The following PCDHA1 variants were observed in gnomAD, a reference collection of about 807,000 sequenced individuals.
PCDHA1 encodes protocadherin alpha-1.
In PCDHA1, 42 loss-of-function variants were observed where a neutral mutation model predicts 61.3. The ratio of observed to expected loss-of-function variants is 0.69; its 90% CI spans 0.54 to 0.89. The LOEUF (loss-of-function observed/expected upper bound fraction) is 0.89. Ranked by LOEUF, PCDHA1 falls within the 40% of genes least tolerant of loss-of-function variation. The probability of loss-of-function intolerance (pLI) is 0.00; values close to 1 mark genes in which losing one functional copy is unlikely to be tolerated. For synonymous variants in PCDHA1, 610 were observed against 553.8 expected (o/e 1.10, Z -1.43); for missense variants, 1,256 against 1,235.3 (o/e 1.02, Z -0.25).
At chr5:140,848,664 G>A (rs1470524559) in intron 1 of PCDHA1, 6 of 1,592,252 alleles carry the variant, frequency 3.8e-6, no homozygotes, top group Non-Finnish European at 4.3e-6. Context: ...GCTGGAGCTG[G>A]CGGAGCTGGT....
intron 1 of PCDHA1, chr5:140,805,197 G>T: frequency 6.9e-7 from 1 of 1,449,074 alleles, no homozygotes; most frequent in Non-Finnish European, 9.1e-7. Context: ...ATATTGAATA[G>T]CTACCAAATA....
chr5:140,834,233 T>G, intron 1 of PCDHA1: 1 of 758,570 alleles, frequency 1.3e-6, no homozygotes, highest in Non-Finnish European at 2.1e-6. Flanking sequence ...AGGAAGTCAT[T>G]CCTTTTCGCA....
chr5:140,842,399 C>A, intron 1 of PCDHA1: 1 of 1,611,446 alleles, frequency 6.2e-7, no homozygotes, highest in Non-Finnish European at 8.5e-7. Flanking sequence ...CTTGCCTGTA[C>A]GTGAAGACGC....
Position 140,809,449 on chromosome 5 carries a change from G to A in PCDHA1, c.2394+20765G>A, listed in dbSNP as rs1254569390. The A allele has an allele frequency of 2.5e-6, 4 of 1,614,142 alleles. No homozygotes were observed. The African/African-American group carries it at 5.3e-5, about 22-fold the overall frequency. ...GGAGCTGGTCATACTCGCAGCAGAGGAGGCCGAGGGTGTGCTCTGGTGAGG... is the reference window on the plus strand; with the variant it reads ...GGAGCTGGTCATACTCGCAGCAGAGAAGGCCGAGGGTGTGCTCTGGTGAGG... On this transcript the variant is annotated intron_variant, in intron 1 of 3. Coordinates refer to ENST00000504120, the MANE Select transcript of PCDHA1 (RefSeq NM_018900.4).
intron 1 of PCDHA1, chr5:140,822,094 G>A: frequency 1.2e-6 from 2 of 1,614,270 alleles, no homozygotes; most frequent in Non-Finnish European, 1.7e-6. Context: ...CCACCTGGAG[G>A]TGATCGTGGA....
rs200360846 is a variant in PCDHA1, at chr5:140,842,668, C to T, written c.2394+53984C>T. On this transcript the variant is annotated intron_variant, in intron 1 of 3. Transcript: ENST00000504120. ...TGTCTGTGGAGGTGGCCGACGTGAA[C>T]GACAATGCTCCGGCGTTCGCGCAGC... 2.5e-4 allele frequency: 393 copies of T among 1,595,370 alleles called. 33 individuals carry two copies. Among genetic ancestry groups the T allele is most frequent in the South Asian group, 1.5e-4 (14 of 90,464 alleles).
At chr5:140,813,382 T>A (rs1218287090) in intron 1 of PCDHA1, 1 of 152,178 alleles carries the variant, frequency 6.6e-6, no homozygotes, top group African/African-American at 2.4e-5. Flanking sequence ...GGTTACATGA[T>A]CTATTGCTTC....
chr5:140,978,834 C>A (rs1294349430), intron 1 of PCDHA1, 115 bp from the exon 2 acceptor site: 3 of 1,546,580 alleles, frequency 1.9e-6, no homozygotes, highest in Non-Finnish European at 2.6e-6. Context: ...ATGGCTCATT[C>A]AATACTTTTT....
chr5:140,879,894 T>C (rs2153369518), intron 1 of PCDHA1, among the ~76,000 whole-genome samples: 1 of 152,348 alleles, frequency 6.6e-6, no homozygotes. Context: ...CTCCTCTCCA[T>C]GTCTCTCTCT....
At chr5:140,836,966 T>G in intron 1 of PCDHA1, 1 of 388,302 alleles carries the variant, frequency 2.6e-6, no homozygotes, top group Non-Finnish European at 4.5e-6. Context: ...TGTTGGCTAC[T>G]CTCCATTTTT....
Position 140,978,838 on chromosome 5 carries a change from A to G in PCDHA1, c.2395-111A>G, listed in dbSNP as rs571929271. 3.9e-6 allele frequency: 6 copies of G among 1,554,610 alleles called. No homozygotes were observed. In the African/African-American group the frequency reaches 5.5e-5, roughly 14 times the overall value. On this transcript the variant is annotated intron_variant, in intron 1 of 3. Transcript: ENST00000504120. ...TTACACATGAAATGGCTCATTCAAT[A>G]CTTTTTTAGATGCCTGGAAATATTT... is the stretch of plus-strand genomic sequence containing the variant.
chr5:140,987,277 A>C (rs1326809190), intron 3 of PCDHA1, among the ~76,000 whole-genome samples: 2 of 152,122 alleles, frequency 1.3e-5, no homozygotes, highest in African/African-American at 4.8e-5. Flanking sequence ...CCGGCAGTCT[A>C]TGTTTTAACA....
intron 1 of PCDHA1, chr5:140,884,140 G>C: frequency 6.2e-7 from 1 of 1,613,412 alleles, no homozygotes; most frequent in Non-Finnish European, 8.5e-7. Context: ...CGTTCCGCGT[G>C]GGGCTGTACA....
intron 3 of PCDHA1, among the ~76,000 whole-genome samples, chr5:140,991,401 T>C (rs1271447254): frequency 6.6e-6 from 1 of 152,218 alleles, no homozygotes; most frequent in Non-Finnish European, 1.5e-5. Context: ...TGTATTTATT[T>C]CCCATTATGC....
intron 1 of PCDHA1, chr5:140,842,521 C>T (rs2150337974): frequency 1.9e-6 from 3 of 1,613,508 alleles, no homozygotes; most frequent in East Asian, 4.5e-5. Context: ...TGGTGTCCAC[C>T]TTCAAGAATT....
chr5:140,886,637 C>A (rs1379156415), intron 1 of PCDHA1, among the ~76,000 whole-genome samples: 3 of 151,848 alleles, frequency 2.0e-5, no homozygotes, highest in Non-Finnish European at 4.4e-5. Context: ...ACCAGCCTGG[C>A]CAACATGGTG....
rs199941722 is a variant in PCDHA1 at position 140,828,275 on chromosome 5, C to T, written c.2394+39591C>T. Reference sequence around the variant, plus strand: ...GCTGGAGCTGGCGGAGCTGGTGCCGCGCCTGTTCAGGATGGCCTCCAAAGA... The same window carrying T: ...GCTGGAGCTGGCGGAGCTGGTGCCGTGCCTGTTCAGGATGGCCTCCAAAGA... On this transcript the variant is annotated intron_variant, in intron 1 of 3. Transcript: ENST00000504120. The T allele has an allele frequency of 3.1e-6, 5 of 1,614,064 alleles. No homozygotes were observed. The Admixed American group carries it at 6.7e-5, about 22-fold the overall frequency.
At chr5:140,941,211 C>CTT (rs59928198) in intron 1 of PCDHA1, among the ~76,000 whole-genome samples, 19 of 129,722 alleles carry the variant, frequency 1.5e-4, no homozygotes, top group African/African-American at 5.2e-4. Flanking sequence ...TCCTTTCTTT[C>CTT]TTCCTTTCTT....
chr5:140,823,797 G>T lies in PCDHA1; in HGVS notation c.2394+35113G>T, dbSNP rs2150129232. 3 of 1,613,840 alleles carry T rather than the reference G, an allele frequency of 1.9e-6. No individual in the cohort carries two copies. The South Asian group carries it at 3.3e-5, about 18-fold the overall frequency. ...TGTCGCTGGTGGAAAGTGGCCAGGC[G>T]CCGAAGGCCTCATCGCGGGCGTCGG... On this transcript the variant is annotated intron_variant, in intron 1 of 3. Coordinates refer to ENST00000504120, the MANE Select transcript of PCDHA1 (RefSeq NM_018900.4).
Sources: gnomAD v4.1 joint callset for allele counts (sites outside exome capture counted in the v4.1 genomes callset) on GRCh38, gnomAD v4.1.1 for gene constraint, MANE v1.5 for transcripts, NCBI Gene and HGNC (gene_info 2026-07-23, HGNC 2026-07-21) for gene names.